The following RASSF8 variants were observed in gnomAD, a reference collection of about 807,000 sequenced individuals.
RASSF8 encodes ras association domain-containing protein 8.
RASSF8 carries 22 observed loss-of-function variants against 48.5 expected under a neutral mutation model. That is an observed-to-expected ratio of 0.45 (90% CI 0.32 to 0.65). RASSF8 has a LOEUF of 0.65. RASSF8 is among the 30% of genes least tolerant of loss of function. The pLI, the probability that RASSF8 is intolerant of heterozygous loss-of-function variation, is 0.03. For missense variants in RASSF8, 418 were observed against 489.2 expected (o/e 0.85, Z 1.37); for synonymous variants, 127 against 171.5 (o/e 0.74, Z 2.03).
chr12:25,998,732 CAAAG>C (rs1303190328), intron 2 of RASSF8, among the ~76,000 whole-genome samples: 1 of 151,942 alleles, frequency 6.6e-6, no homozygotes, highest in Non-Finnish European at 1.5e-5. Flanking sequence ...TAAAAATTCT[CAAAG>C]AAAGAATACT....
intron 3 of RASSF8, among the ~76,000 whole-genome samples, chr12:26,060,848 C>T (rs1302695643): frequency 6.6e-6 from 1 of 152,174 alleles, no homozygotes; most frequent in Non-Finnish European, 1.5e-5. Context: ...CATTATTTCT[C>T]ATATGTCCAG....
rs576767597 is a variant in RASSF8, at chr12:26,059,736, A to C, written c.103+4290A>C. On this transcript the variant is annotated intron_variant, in intron 3 of 5. Coordinates refer to ENST00000689635, the MANE Select transcript of RASSF8 (RefSeq NM_001394098.1). ...CATCTGTAGAATATTATTTTAATGA[A>C]TGTTAATACATGTTAATTCATAGCA... Among the ~76,000 whole-genome samples, 7 of 152,330 alleles carry C rather than the reference A, an allele frequency of 4.6e-5. No homozygotes were observed. In the East Asian group the frequency reaches 1.3e-3, roughly 29 times the overall value.
chr12:26,067,483 C>G, intron 4 of RASSF8, 86 bp from the exon 5 acceptor site: 2 of 1,354,982 alleles, frequency 1.5e-6, no homozygotes, highest in Admixed American at 2.2e-5. Context: ...ACATTTAACC[C>G]CTGTAGCAGA....
chr12:26,036,336 A>C (rs1201081921), intron 2 of RASSF8, among the ~76,000 whole-genome samples: 5 of 152,168 alleles, frequency 3.3e-5, no homozygotes, highest in African/African-American at 4.8e-5. Flanking sequence ...CAAGAAAAAG[A>C]GAAGGCTTCT....
downstream of RASSF8, among the ~76,000 whole-genome samples, chr12:26,076,641 C>T (rs1320389404): frequency 1.3e-5 from 2 of 152,092 alleles, no homozygotes; most frequent in African/African-American, 2.4e-5. Context: ...GTATATGTGC[C>T]ACATTTTCTT....
chr12:26,065,525 C>A (rs914085751), intron 4 of RASSF8, 138 bp downstream of exon 4: 1 of 1,144,774 alleles, frequency 8.7e-7, no homozygotes, highest in African/African-American at 1.6e-5. Context: ...TTGTCGAACT[C>A]TTGTGACTTA....
At chr12:25,985,271 A>C (rs908167647) in intron 1 of RASSF8, among the ~76,000 whole-genome samples, 2 of 152,086 alleles carry the variant, frequency 1.3e-5, no homozygotes, top group Admixed American at 6.6e-5. Flanking sequence ...GTAACTATAG[A>C]CCCTATGTCA....
chr12:26,027,414 A>G (rs1408508794), intron 2 of RASSF8, among the ~76,000 whole-genome samples: 1 of 152,236 alleles, frequency 6.6e-6, no homozygotes, highest in Non-Finnish European at 1.5e-5. Flanking sequence ...CACCATGGGT[A>G]TGATTTAGGC....
intron 3 of RASSF8, among the ~76,000 whole-genome samples, chr12:26,060,869 A>T (rs550937156): frequency 6.6e-6 from 1 of 152,206 alleles, no homozygotes; most frequent in African/African-American, 2.4e-5. Flanking sequence ...AAACCTGAAG[A>T]TATGTTAGCA....
downstream of RASSF8, among the ~76,000 whole-genome samples, chr12:26,073,810 A>C (rs537301542): frequency 9.0e-6 from 1 of 111,504 alleles, no homozygotes. Flanking sequence ...ACACACACAT[A>C]TATATACACA....
At chr12:26,024,203 G>A (rs1031625780) in intron 2 of RASSF8, among the ~76,000 whole-genome samples, 2 of 152,038 alleles carry the variant, frequency 1.3e-5, no homozygotes, top group African/African-American at 4.8e-5. Context: ...GTCTTGCTCT[G>A]TTGCCCAGGC....
Position 26,055,235 on chromosome 12 carries a change from G to T in RASSF8, c.-108-1G>T. On this transcript the variant is annotated splice_acceptor_variant, in intron 2 of 5. Coordinates refer to ENST00000689635, the MANE Select transcript of RASSF8 (RefSeq NM_001394098.1). LOFTEE classifies it low-confidence loss of function (5UTR_SPLICE). ...ACAAGTGATTTTTTGCCCTTTTTTA[G>T]CTGACTACACAGACTTAGTCTTCTC... 2.4e-6 allele frequency: 2 copies of T among 848,198 alleles called. No homozygotes were observed. The highest frequency in any genetic ancestry group is 2.1e-5 in the Admixed American group (1 of 47,242). The allele number at this position is 848,198 out of a possible 1,614,324, so 52.5% of individuals were successfully genotyped here.
At chr12:26,079,567 G>C (rs1944100012) in exon 6 of RASSF8, 1 of 151,154 alleles carries the variant, frequency 6.6e-6, no homozygotes, top group Admixed American at 6.6e-5. Flanking sequence ...CTCCAGCCTG[G>C]GTAACAGAGT....
At chr12:25,964,740 C>A (rs891623849) in intron 1 of RASSF8, among the ~76,000 whole-genome samples, 1 of 152,034 alleles carries the variant, frequency 6.6e-6, no homozygotes, top group African/African-American at 2.4e-5. Context: ...GATTTATAAT[C>A]GATGAAACTC....
intron 1 of RASSF8, chr12:25,959,890 A>G (rs551325935): frequency 6.6e-6 from 1 of 152,306 alleles, no homozygotes; most frequent in South Asian, 2.1e-4. Flanking sequence ...CCCAGCCTCA[A>G]ATGGCATCTT....
At chr12:26,024,052 T>C (rs1445448521) in intron 2 of RASSF8, among the ~76,000 whole-genome samples, 1 of 152,246 alleles carries the variant, frequency 6.6e-6, no homozygotes, top group Non-Finnish European at 1.5e-5. Context: ...TGTAATGGCT[T>C]ATTTTGGGGT....
At chr12:25,977,243 TGC>T (rs1941627527) in intron 1 of RASSF8, among the ~76,000 whole-genome samples, 4 of 152,184 alleles carry the variant, frequency 2.6e-5, no homozygotes, top group Non-Finnish European at 5.9e-5. Flanking sequence ...TACCAGTGAA[TGC>T]ACGCCAGCCA....
intron 1 of RASSF8, among the ~76,000 whole-genome samples, chr12:25,965,173 C>A (rs1941328778): frequency 6.6e-6 from 1 of 152,030 alleles, no homozygotes; most frequent in South Asian, 2.1e-4. Context: ...GATTTCCTGA[C>A]CTCGTGATCC....
In RASSF8 at chr12:26,001,639, C is replaced by T. The variant is rs564730803; in HGVS notation, c.-109+6509C>T. Among the ~76,000 whole-genome samples, 9 of 152,094 alleles carry T rather than the reference C, an allele frequency of 5.9e-5. No individual in the cohort carries two copies. In the East Asian group the frequency reaches 1.7e-3, roughly 29 times the overall value. On this transcript the variant is annotated intron_variant, in intron 2 of 5. Coordinates refer to ENST00000689635, the MANE Select transcript of RASSF8 (RefSeq NM_001394098.1). ...CTAGGTCTACACAGGGTTGAGATTA[C>T]CAATATCACTTTTCACCTCCACATC...
Sources: gnomAD v4.1 joint callset for allele counts (sites outside exome capture counted in the v4.1 genomes callset) on GRCh38, gnomAD v4.1.1 for gene constraint, MANE v1.5 for transcripts, NCBI Gene and HGNC (gene_info 2026-07-23, HGNC 2026-07-21) for gene names.